The following SLC16A12 variants were observed in gnomAD, a reference collection of about 807,000 sequenced individuals.
SLC16A12 encodes solute carrier family 16 member 12, also known as monocarboxylate transporter 12.
SLC16A12 carries 17 observed loss-of-function variants against 42.4 expected under a neutral mutation model. The ratio of observed to expected loss-of-function variants is 0.40; its 90% CI spans 0.27 to 0.60. The LOEUF is 0.60. SLC16A12 is among the 20% of genes least tolerant of loss of function. The pLI is 0.42. For synonymous variants in SLC16A12, 224 were observed against 229.4 expected (o/e 0.98, Z 0.21); for missense variants, 544 against 623.0 (o/e 0.87, Z 1.35).
At chr10:89,548,515 T>TAA (rs565213606) in intron 2 of SLC16A12, among the ~76,000 whole-genome samples, 2 of 145,962 alleles carry the variant, frequency 1.4e-5, no homozygotes, top group Admixed American at 1.4e-4. Context: ...GTAGGAGAAA[T>TAA]AAAAAAAAAA....
intron 2 of SLC16A12, among the ~76,000 whole-genome samples, chr10:89,525,220 C>CAAAAAAAAAAA (rs869295721): frequency 6.2e-5 from 4 of 64,664 alleles, no homozygotes; most frequent in Non-Finnish European, 1.2e-4. Flanking sequence ...GACACCATAT[C>CAAAAAAAAAAA]AAAAAAAAAA....
chr10:89,487,293 A>G (rs1842771048), intron 2 of SLC16A12, among the ~76,000 whole-genome samples: 1 of 152,218 alleles, frequency 6.6e-6, no homozygotes, highest in Non-Finnish European at 1.5e-5. Flanking sequence ...ATCATAGTGT[A>G]CCATCTCACA....
At chr10:89,552,725 G>A (rs559482987) in intron 2 of SLC16A12, among the ~76,000 whole-genome samples, 3 of 152,204 alleles carry the variant, frequency 2.0e-5, no homozygotes, top group East Asian at 3.9e-4. Flanking sequence ...ATGGATAATC[G>A]GCCCTGCCCT....
chr10:89,550,636 A>G (rs2133890335), intron 2 of SLC16A12, among the ~76,000 whole-genome samples: 1 of 152,308 alleles, frequency 6.6e-6, no homozygotes, highest in South Asian at 2.1e-4. Context: ...ACCATGGCCC[A>G]TAATGTGTCA....
At chr10:89,441,021 G>A (rs1269557842) in intron 5 of SLC16A12, 87 bp downstream of exon 5, 10 of 1,536,114 alleles carry the variant, frequency 6.5e-6, no homozygotes, top group Middle Eastern at 1.7e-4. Context: ...CTAACAAAAT[G>A]AATATTTTAT....
intron 2 of SLC16A12, among the ~76,000 whole-genome samples, chr10:89,544,306 G>C (rs115189459): frequency 6.6e-6 from 1 of 152,178 alleles, no homozygotes; most frequent in Admixed American, 6.6e-5. Context: ...ATAGACAAAA[G>C]AGAAGAGTTA....
At chr10:89,507,742 T>C (rs896301291) in intron 2 of SLC16A12, among the ~76,000 whole-genome samples, 6 of 151,304 alleles carry the variant, frequency 4.0e-5, no homozygotes, top group African/African-American at 1.5e-4. Context: ...TAACCTCAAA[T>C]GTAAATGGGC....
intron 2 of SLC16A12, among the ~76,000 whole-genome samples, chr10:89,494,967 A>T (rs1028145563): frequency 1.3e-5 from 2 of 152,206 alleles, no homozygotes; most frequent in Non-Finnish European, 2.9e-5. Flanking sequence ...AAGGCAGAGC[A>T]CCACACAAAA....
Position 89,453,757 on chromosome 10 carries a change from T to A in SLC16A12, c.200+8622A>T, listed in dbSNP as rs575933882. Among the ~76,000 whole-genome samples, 16 of 152,284 alleles carry A rather than the reference T, an allele frequency of 1.1e-4. No homozygotes were observed. In the East Asian group the frequency reaches 2.9e-3, roughly 28 times the overall value. ...GCAACACATGACTGTAGTCTAGTTA[T>A]CCTTACCCGAAGGCTTCTCAGTGGA... On this transcript the variant is annotated intron_variant, in intron 3 of 7. Transcript: ENST00000371790.
intron 2 of SLC16A12, among the ~76,000 whole-genome samples, chr10:89,504,073 C>T (rs1304049741): frequency 6.6e-6 from 1 of 152,008 alleles, no homozygotes; most frequent in Admixed American, 6.5e-5. Flanking sequence ...TCAGCTTCAG[C>T]TCCCATCTCC....
chr10:89,481,952 T>G lies in SLC16A12; in HGVS notation c.-46-19328A>C, dbSNP rs552677037. Among the ~76,000 whole-genome samples, 16 of 152,248 alleles carry G rather than the reference T, an allele frequency of 1.1e-4. No individual in the cohort carries two copies. The South Asian group carries it at 2.9e-3, about 28-fold the overall frequency. On this transcript the variant is annotated intron_variant, in intron 2 of 7. Transcript: ENST00000371790. The stretch of plus-strand genomic sequence containing the variant: ...GAGAATGCTGACAATGATAAAATTG[T>G]CTTCACCGGAAGCTAGGAGAAAAAC...
chr10:89,504,042 C>A (rs1361149640), intron 2 of SLC16A12, among the ~76,000 whole-genome samples: 4 of 152,156 alleles, frequency 2.6e-5, no homozygotes, highest in Non-Finnish European at 4.4e-5. Context: ...TACTCTTGTG[C>A]CTCCCCAATA....
At chr10:89,473,557 T>C (rs888449262) in intron 2 of SLC16A12, among the ~76,000 whole-genome samples, 4 of 152,208 alleles carry the variant, frequency 2.6e-5, no homozygotes, top group Non-Finnish European at 4.4e-5. Flanking sequence ...TTGCCTTCAT[T>C]TAAAATGGAG....
At chr10:89,459,831 T>TTCA (rs1842266462) in intron 3 of SLC16A12, among the ~76,000 whole-genome samples, 1 of 151,856 alleles carries the variant, frequency 6.6e-6, no homozygotes, top group African/African-American at 2.4e-5. Context: ...ATCCCATCTA[T>TTCA]TCAGGAGGCT....
chr10:89,442,793 T>C (rs894860796), intron 4 of SLC16A12, among the ~76,000 whole-genome samples: 3 of 152,192 alleles, frequency 2.0e-5, no homozygotes, highest in African/African-American at 4.8e-5. Flanking sequence ...AGTAAATGAA[T>C]TTTTTTTCCA....
At chr10:89,535,966 C>T (rs1843653383), upstream of SLC16A12, among the ~76,000 whole-genome samples, 1 of 152,278 alleles carries the variant, frequency 6.6e-6, no homozygotes, top group African/African-American at 2.4e-5. Flanking sequence ...GGGACTCTGC[C>T]TGGCCGGCAA....
intron 2 of SLC16A12, among the ~76,000 whole-genome samples, chr10:89,525,544 G>A (rs557642555): frequency 2.6e-5 from 4 of 152,294 alleles, no homozygotes; most frequent in Admixed American, 6.5e-5. Flanking sequence ...ATAAAATGAC[G>A]AGTCCCTTAA....
chr10:89,553,780 G>A (rs191064247), intron 2 of SLC16A12, among the ~76,000 whole-genome samples: 1 of 152,056 alleles, frequency 6.6e-6, no homozygotes, highest in East Asian at 1.9e-4. Flanking sequence ...TGGACCAGGA[G>A]GTCAGGAGTT....
At position 89,534,489 on chromosome 10, in the gene SLC16A12, G is replaced by A. The variant is rs1467390241; in HGVS notation, c.-47+12C>T. On this transcript the variant is annotated intron_variant, in intron 2 of 7. Transcript: ENST00000371790. ...AAGGAGAGTGTTTAACCAGTTTCCT[G>A]GCAGGACTCACCTGACTAGACATTT... The A allele has an allele frequency of 1.3e-5, 2 of 152,034 alleles. No homozygotes were observed. Among genetic ancestry groups the A allele is most frequent in the Non-Finnish European group, 2.9e-5 (2 of 68,108 alleles). The allele number at this position is 152,034 out of a possible 1,614,324, so 9.4% of individuals were successfully genotyped here.
Sources: gnomAD v4.1 joint callset for allele counts (sites outside exome capture counted in the v4.1 genomes callset) on GRCh38, gnomAD v4.1.1 for gene constraint, MANE v1.5 for transcripts, NCBI Gene and HGNC (gene_info 2026-07-23, HGNC 2026-07-21) for gene names.